RSL24D1: variants seen among roughly 807,000 people sequenced by gnomAD.
RSL24D1 encodes the protein probable ribosome biogenesis protein RLP24.
A neutral mutation model predicts 26.2 loss-of-function variants in RSL24D1; 6 were observed. The ratio of observed to expected loss-of-function variants is 0.23; its 90% CI spans 0.13 to 0.45. The LOEUF is 0.45. RSL24D1 is among the 20% of genes least tolerant of loss of function. RSL24D1 has a pLI of 0.99. For synonymous variants in RSL24D1, 61 were observed against 59.1 expected, an observed-to-expected ratio of 1.03 and a Z score of -0.15; for missense variants, 176 against 202.6, an observed-to-expected ratio of 0.87 and a Z score of 0.80.
chr15:55,191,410 C>T (rs940071300), intron 2 of RSL24D1, among the ~76,000 whole-genome samples: 1 of 151,696 alleles, frequency 6.6e-6, no homozygotes, highest in Non-Finnish European at 1.5e-5. Context: ...TATGAAACTG[C>T]CATTTTTTAC....
At chr15:55,195,105 G>A (rs1198596277) in intron 1 of RSL24D1, among the ~76,000 whole-genome samples, 6 of 150,322 alleles carry the variant, frequency 4.0e-5, no homozygotes, top group African/African-American at 1.5e-4. Flanking sequence ...CAGGAAAGTA[G>A]AAAGAAGGCA....
chr15:55,195,331 G>C (rs1894343740), intron 1 of RSL24D1: 2 of 152,156 alleles, frequency 1.3e-5, no homozygotes, highest in African/African-American at 4.8e-5. Flanking sequence ...GGAAAATTCA[G>C]ATTTGGAGCT....
chr15:55,191,126 T>C (rs1894292961), intron 2 of RSL24D1, 79 bp from the exon 3 acceptor site: 1 of 952,152 alleles, frequency 1.1e-6, no homozygotes, highest in Admixed American at 2.7e-5. Flanking sequence ...CGTCTTCCTT[T>C]TCCTAAGTGT....
chr15:55,189,592 G>C (rs147488136), intron 3 of RSL24D1, among the ~76,000 whole-genome samples: 1 of 152,094 alleles, frequency 6.6e-6, no homozygotes, highest in African/African-American at 2.4e-5. Flanking sequence ...AAAACATAAA[G>C]AGATTTTTTT....
chr15:55,192,327 A>C (rs1894306989), intron 2 of RSL24D1: 1 of 159,918 alleles, frequency 6.3e-6, no homozygotes, highest in Admixed American at 6.3e-5. Context: ...CAACACTACT[A>C]ATTTCTCTGC....
chr15:55,195,208 CA>C (rs1894342339), intron 1 of RSL24D1: 1 of 151,930 alleles, frequency 6.6e-6, no homozygotes, highest in African/African-American at 2.4e-5. Flanking sequence ...ATGTTTCTAG[CA>C]AAACTATCCG....
chr15:55,190,268 A>AAAAAAAAG (rs1566886961), intron 3 of RSL24D1, among the ~76,000 whole-genome samples: 1 of 150,972 alleles, frequency 6.6e-6, no homozygotes, highest in Non-Finnish European at 1.5e-5. Flanking sequence ...AAAAAAAAAA[A>AAAAAAAAG]AAAAAGGCAA....
intron 1 of RSL24D1, among the ~76,000 whole-genome samples, chr15:55,193,214 T>C (rs774104962): frequency 2.3e-4 from 35 of 152,200 alleles, no homozygotes; most frequent in Admixed American, 5.9e-4. Flanking sequence ...GAAATCTCCT[T>C]TGGGTCTTTC....
At chr15:55,196,737 C>G (rs1894363259) in intron 1 of RSL24D1, 73 bp downstream of exon 1, 2 of 1,458,524 alleles carry the variant, frequency 1.4e-6, no homozygotes, top group Non-Finnish European at 1.9e-6. Context: ...CGCAGAAGCA[C>G]CCAGCACCGA....
At position 55,181,464 on chromosome 15, in the gene RSL24D1, G is replaced by T. The variant is rs1031962266; in HGVS notation, c.*688C>A. On this transcript the variant is annotated 3_prime_UTR_variant, in exon 6 of 6. Transcript: ENST00000260443. ...ATTCCTCTGCTTCTAGATCAATGCT[G>T]GGCTAGAAAAGTAAAGTCTGTTCTA... 1.3e-5 allele frequency: 2 copies of T among 152,490 alleles called. No individual in the cohort carries two copies. Among genetic ancestry groups the T allele is most frequent in the African/African-American group, 4.8e-5 (2 of 41,388 alleles). The allele number at this position is 152,490 out of a possible 1,614,324, so 9.4% of individuals were successfully genotyped here. A position where few individuals can be genotyped will look rare whatever the true frequency, so the allele number is the denominator to read the frequency against.
rs920086404 is a variant in RSL24D1, at chr15:55,181,828, T to C, written c.*324A>G. The C allele has an allele frequency of 1.9e-5, 4 of 210,878 alleles. No homozygotes were observed. The highest frequency in any genetic ancestry group is 6.9e-5 in the African/African-American group (3 of 43,674). The allele number at this position is 210,878 out of a possible 1,614,324, so 13.1% of individuals were successfully genotyped here. On this transcript the variant is annotated 3_prime_UTR_variant, in exon 6 of 6. Transcript: ENST00000260443. ...ATTTTATTTTATACATCACTAGCCA[T>C]GAATTTTTGCCATTAGTTACTATAC...
At chr15:55,195,024 C>CAAAAAAAAAA (rs34525957) in intron 1 of RSL24D1, among the ~76,000 whole-genome samples, 1 of 48,302 alleles carries the variant, frequency 2.1e-5, no homozygotes. Flanking sequence ...GACCCTGTCT[C>CAAAAAAAAAA]AAAAAAAAAA....
Position 55,181,829 on chromosome 15 carries a change from G to C in RSL24D1, c.*323C>G, listed in dbSNP as rs546361213. 4 of 212,042 alleles carry C rather than the reference G, an allele frequency of 1.9e-5. No individual in the cohort carries two copies. The South Asian group carries it at 4.8e-4, about 25-fold the overall frequency. The allele number at this position is 212,042 out of a possible 1,614,324, so 13.1% of individuals were successfully genotyped here. ...TTTTATTTTATACATCACTAGCCAT[G>C]AATTTTTGCCATTAGTTACTATACA... On this transcript the variant is annotated 3_prime_UTR_variant, in exon 6 of 6. Coordinates refer to ENST00000260443, the MANE Select transcript of RSL24D1 (RefSeq NM_016304.3).
At position 55,196,910 on chromosome 15, in the gene RSL24D1, C is replaced by A; in HGVS notation, c.-20G>T. The A allele has an allele frequency of 1.2e-6, 2 of 1,612,082 alleles. No individual in the cohort carries two copies. The highest frequency in any genetic ancestry group is 1.7e-6 in the Non-Finnish European group (2 of 1,178,266). On this transcript the variant is annotated 5_prime_UTR_variant, in exon 1 of 6. Coordinates refer to ENST00000260443, the MANE Select transcript of RSL24D1 (RefSeq NM_016304.3). ...ACGCATGTTGAACCCGCGTGTAACC[C>A]CACCAAACAAACGCCAAGCTTGAGA...
chr15:55,182,910 AC>A (rs1894184911), intron 5 of RSL24D1, among the ~76,000 whole-genome samples: 1 of 152,182 alleles, frequency 6.6e-6, no homozygotes, highest in Admixed American at 6.5e-5. Context: ...CTGGGATGTT[AC>A]TGAACAGTGG....
chr15:55,196,456 C>A (rs1465727697), intron 1 of RSL24D1: 2 of 518,270 alleles, frequency 3.9e-6, no homozygotes, highest in Non-Finnish European at 7.4e-6. Context: ...ACAGGGTATA[C>A]ACTCAACAAA....
At chr15:55,189,225 G>A (rs1894265885) in intron 3 of RSL24D1, among the ~76,000 whole-genome samples, 1 of 151,010 alleles carries the variant, frequency 6.6e-6, no homozygotes, top group African/African-American at 2.4e-5. Flanking sequence ...AAATGCTTCA[G>A]GACTTTCCAA....
chr15:55,189,688 T>C (rs1203348834), intron 3 of RSL24D1, among the ~76,000 whole-genome samples: 1 of 152,208 alleles, frequency 6.6e-6, no homozygotes, highest in Non-Finnish European at 1.5e-5. Flanking sequence ...TCTTCCAATG[T>C]GGCCCAGGGA....
Position 55,188,777 on chromosome 15 carries a change from T to G in RSL24D1, c.268+2198A>C, listed in dbSNP as rs1017895871. On this transcript the variant is annotated intron_variant, in intron 3 of 5. Coordinates refer to ENST00000260443, the MANE Select transcript of RSL24D1 (RefSeq NM_016304.3). ...TATGCAACTCTTTTCAACAACAACCTAAATACCCGCTAAGTAAAAGTAGTT... is the reference window on the plus strand; with the variant it reads ...TATGCAACTCTTTTCAACAACAACCGAAATACCCGCTAAGTAAAAGTAGTT... Among the ~76,000 whole-genome samples, 3 of 152,214 alleles carry G rather than the reference T, an allele frequency of 2.0e-5. No individual in the cohort carries two copies. The East Asian group carries it at 5.8e-4, about 29-fold the overall frequency.
Sources: allele counts gnomAD v4.1 joint callset (sites outside exome capture counted in the v4.1 genomes callset), GRCh38; gene constraint gnomAD v4.1.1; transcripts MANE v1.5; gene names NCBI Gene and HGNC (gene_info 2026-07-23, HGNC 2026-07-21).